RMDN2: variants seen among roughly 807,000 people sequenced by gnomAD.
RMDN2 encodes the protein regulator of microtubule dynamics protein 2.
RMDN2 carries 61 observed loss-of-function variants against 52.8 expected under a neutral mutation model. The observed-to-expected ratio is 1.16, with a 90% CI of 0.94 to 1.43. The LOEUF (loss-of-function observed/expected upper bound fraction) is 1.43. Ranked by LOEUF, RMDN2 falls within the 40% of genes most tolerant of loss-of-function variation. RMDN2 has a pLI of 0.00. For synonymous variants in RMDN2, 180 were observed against 153.1 expected (o/e 1.18, Z -1.30); for missense variants, 592 against 475.3 (o/e 1.25, Z -2.28).
At chr2:38,042,606 G>C (rs571348210) in intron 10 of RMDN2, among the ~76,000 whole-genome samples, 4 of 151,298 alleles carry the variant, frequency 2.6e-5, no homozygotes, top group Non-Finnish European at 5.9e-5. Context: ...GCTGATTTTA[G>C]ATCTTTATTC....
intron 10 of RMDN2, among the ~76,000 whole-genome samples, chr2:38,007,360 T>A (rs1677255463): frequency 6.6e-6 from 1 of 152,230 alleles, no homozygotes. Flanking sequence ...TGGTAAGCTA[T>A]TAATTATTGC....
intron 2 of RMDN2, among the ~76,000 whole-genome samples, chr2:37,967,684 C>G (rs1051633346): frequency 2.6e-5 from 4 of 152,238 alleles, no homozygotes; most frequent in African/African-American, 9.6e-5. Context: ...TGATGATACT[C>G]CTGCTCATTC....
At chr2:37,932,073 AT>A (rs1219031959) in intron 2 of RMDN2, among the ~76,000 whole-genome samples, 1 of 152,102 alleles carries the variant, frequency 6.6e-6, no homozygotes, top group Non-Finnish European at 1.5e-5. Flanking sequence ...TTATTTATTT[AT>A]TTTTTTAATT....
intron 10 of RMDN2, among the ~76,000 whole-genome samples, chr2:38,044,288 C>T (rs1432005333): frequency 1.3e-5 from 2 of 151,784 alleles, no homozygotes; most frequent in African/African-American, 4.8e-5. Flanking sequence ...GTATTTAGTT[C>T]CTCTGAATTC....
intron 10 of RMDN2, among the ~76,000 whole-genome samples, chr2:38,047,632 G>A (rs920783174): frequency 1.3e-5 from 2 of 152,098 alleles, no homozygotes; most frequent in Non-Finnish European, 2.9e-5. Flanking sequence ...GGTTTCCAGA[G>A]TATAAGTTTG....
At chr2:38,007,538 G>C (rs1372277528) in intron 10 of RMDN2, among the ~76,000 whole-genome samples, 1 of 152,176 alleles carries the variant, frequency 6.6e-6, no homozygotes, top group African/African-American at 2.4e-5. Flanking sequence ...ATTTCTGTGG[G>C]ATCGGTGGTG....
chr2:37,986,191 C>T (rs1250754577), intron 5 of RMDN2, among the ~76,000 whole-genome samples: 2 of 152,058 alleles, frequency 1.3e-5, no homozygotes, highest in Non-Finnish European at 2.9e-5. Flanking sequence ...AGAATTGTTC[C>T]CCAAACTGGA....
At chr2:37,958,620 A>G (rs1669797344) in intron 2 of RMDN2, among the ~76,000 whole-genome samples, 1 of 150,862 alleles carries the variant, frequency 6.6e-6, no homozygotes, top group Non-Finnish European at 1.5e-5. Context: ...GTATTTGAGT[A>G]TGCTTTATTT....
intron 10 of RMDN2, among the ~76,000 whole-genome samples, chr2:38,041,754 T>C (rs1333788401): frequency 6.6e-6 from 1 of 152,196 alleles, no homozygotes; most frequent in Non-Finnish European, 1.5e-5. Flanking sequence ...TCATATTAAT[T>C]AATTTTCAAA....
intron 2 of RMDN2, among the ~76,000 whole-genome samples, chr2:37,953,323 C>T (rs1328674329): frequency 6.6e-6 from 1 of 151,996 alleles, no homozygotes; most frequent in Non-Finnish European, 1.5e-5. Context: ...AACTGAAACT[C>T]TCCACCCATT....
In RMDN2 at chr2:37,933,720, C is replaced by T. The variant is rs375668234; in HGVS notation, c.452+3991C>T. On this transcript the variant is annotated intron_variant, in intron 2 of 10. Coordinates refer to ENST00000354545, the MANE Select transcript of RMDN2 (RefSeq NM_001170791.3). ...AGGTTGCAGTGAGCCGAGATGGCAG[C>T]AGTACCATCCAGCTTCGGCTCGGCA... Among the ~76,000 whole-genome samples, 163 of 152,240 alleles carry T rather than the reference C, an allele frequency of 1.1e-3. 3 individuals are homozygous for T. The East Asian group carries it at 0.027, about 25-fold the overall frequency.
At chr2:37,932,855 G>A (rs1458042019) in intron 2 of RMDN2, among the ~76,000 whole-genome samples, 4 of 131,910 alleles carry the variant, frequency 3.0e-5, no homozygotes, top group African/African-American at 1.2e-4. Context: ...GCGGCTGGCC[G>A]GGCGGGAGGC....
At position 37,951,385 on chromosome 2, in the gene RMDN2, C is replaced by A. The variant is rs750918733; in HGVS notation, c.452+21656C>A. On this transcript the variant is annotated intron_variant, in intron 2 of 10. Coordinates refer to ENST00000354545, the MANE Select transcript of RMDN2 (RefSeq NM_001170791.3). Reference sequence around the variant, plus strand: ...TCCCCTGTAACACATAAAGTCAATGCAGCCAAAGCAAGTAGAAGGTTATTA... The same window carrying A: ...TCCCCTGTAACACATAAAGTCAATGAAGCCAAAGCAAGTAGAAGGTTATTA... 6.2e-7 allele frequency: 1 copy of A among 1,613,162 alleles called. No homozygotes were observed.
intron 2 of RMDN2, among the ~76,000 whole-genome samples, chr2:37,933,116 C>A (rs932945469): frequency 2.6e-5 from 4 of 151,824 alleles, no homozygotes; most frequent in African/African-American, 4.8e-5. Context: ...GGCAGAGACG[C>A]TCCTCACATC....
chr2:37,990,832 C>G (rs115512444), intron 6 of RMDN2, among the ~76,000 whole-genome samples: 1 of 152,130 alleles, frequency 6.6e-6, no homozygotes, highest in African/African-American at 2.4e-5. Flanking sequence ...ATAGGTTTCT[C>G]CCCCATCTAA....
At chr2:37,924,206 C>T (rs1666115985), upstream of RMDN2, among the ~76,000 whole-genome samples, 1 of 152,172 alleles carries the variant, frequency 6.6e-6, no homozygotes, top group East Asian at 1.9e-4. Context: ...CTTCTGGATT[C>T]TTCATGGCTT....
At chr2:38,004,417 A>G (rs1180537075) in intron 10 of RMDN2, among the ~76,000 whole-genome samples, 4 of 152,236 alleles carry the variant, frequency 2.6e-5, no homozygotes, top group African/African-American at 9.6e-5. Flanking sequence ...ACATTATGAA[A>G]TGACTACCAC....
At chr2:38,010,111 G>T (rs1340672008) in intron 10 of RMDN2, among the ~76,000 whole-genome samples, 2 of 152,194 alleles carry the variant, frequency 1.3e-5, no homozygotes, top group African/African-American at 4.8e-5. Flanking sequence ...TGAGGTGTCA[G>T]TCTGCCCTTG....
At chr2:37,949,504 T>A (rs1668525756) in intron 2 of RMDN2, among the ~76,000 whole-genome samples, 1 of 152,176 alleles carries the variant, frequency 6.6e-6, no homozygotes, top group Admixed American at 6.5e-5. Context: ...GTAAGTAACA[T>A]AAGTCTTCTG....
Sources: allele counts gnomAD v4.1 joint callset (sites outside exome capture counted in the v4.1 genomes callset), GRCh38; gene constraint gnomAD v4.1.1; transcripts MANE v1.5; gene names NCBI Gene and HGNC (gene_info 2026-07-23, HGNC 2026-07-21).